GMNN: variants seen among roughly 807,000 people sequenced by gnomAD.
GMNN encodes the protein geminin.
A neutral mutation model predicts 20.9 loss-of-function variants in GMNN; 14 were observed. The observed-to-expected ratio is 0.67, with a 90% CI of 0.44 to 1.05. The LOEUF is 1.05. Ranked by LOEUF, GMNN falls within the 50% of genes least tolerant of loss-of-function variation. The pLI, the probability that GMNN is intolerant of heterozygous loss-of-function variation, is 0.00. For missense variants in GMNN, 227 were observed against 243.8 expected, an observed-to-expected ratio of 0.93 and a Z score of 0.46; for synonymous variants, 81 against 85.8, an observed-to-expected ratio of 0.94 and a Z score of 0.31.
rs757646958 is a variant in GMNN at position 24,781,477 on chromosome 6, C to T, written c.130C>T (p.Leu44=). The change falls in exon 4 of 7, where the codon CTG becomes TTG. Residue 44 remains leucine, a splice_region_variant and synonymous_variant. Transcript: ENST00000230056. ...CAGTTGATAAGTGTTTTCATTATAG[C>T]TGTCCGCAGGCTTGTCCAAAAGGAA... ...SGSLVGRENE[L]SAGLSKRKHR... 6.3e-7 allele frequency: 1 copy of T among 1,585,494 alleles called. No homozygotes were observed. Among genetic ancestry groups the T allele is most frequent in the Non-Finnish European group, 8.6e-7 (1 of 1,157,618 alleles).
rs2307306 is a variant in GMNN, at chr6:24,781,507, C to T, written c.160C>T (p.Arg54Trp). 0.019 allele frequency: 31,003 copies of T among 1,592,666 alleles called. 2,242 individuals carry two copies. In the African/African-American group the frequency reaches 0.22, roughly 11 times the overall value. ...CGCAGGCTTGTCCAAAAGGAAACAT[C>T]GGAATGACCACTTAACATCTACAAC... ...LSAGLSKRKH[R>W]NDHLTSTTSS... Residue 54 changes from arginine (R) to tryptophan (W), a missense_variant, in exon 4 of 7, where the codon CGG (arginine) becomes TGG (tryptophan). Transcript: ENST00000230056.
intron 2 of GMNN, among the ~76,000 whole-genome samples, chr6:24,778,248 T>G (rs1780125622): frequency 6.6e-6 from 1 of 152,218 alleles, no homozygotes; most frequent in South Asian, 2.1e-4. Flanking sequence ...CTCATGCCTG[T>G]GATCCCAGCT....
intron 1 of GMNN, chr6:24,776,828 A>G (rs931217871): frequency 6.5e-6 from 1 of 153,684 alleles, no homozygotes; most frequent in African/African-American, 2.4e-5. Flanking sequence ...AGCCCAGTTT[A>G]TTATACCTTA....
chr6:24,776,622 G>A (rs966709949), intron 1 of GMNN, among the ~76,000 whole-genome samples: 2 of 152,204 alleles, frequency 1.3e-5, no homozygotes, highest in Non-Finnish European at 2.9e-5. Flanking sequence ...GTGGGCAGTG[G>A]GCAGTGGAGC....
At chr6:24,779,720 C>T (rs984405666) in intron 2 of GMNN, among the ~76,000 whole-genome samples, 5 of 152,168 alleles carry the variant, frequency 3.3e-5, no homozygotes, top group African/African-American at 1.2e-4. Flanking sequence ...TTTGCTATCC[C>T]ATGGTGGCAG....
At chr6:24,777,910 G>GCATT (rs1481194400) in intron 2 of GMNN, among the ~76,000 whole-genome samples, 1 of 152,034 alleles carries the variant, frequency 6.6e-6, no homozygotes, top group Non-Finnish European at 1.5e-5. Context: ...GACATGTTTT[G>GCATT]CATTATATTA....
In GMNN at chr6:24,785,750, G is replaced by T; in HGVS notation, c.581G>T (p.Cys194Phe). The T allele has an allele frequency of 6.3e-7, 1 of 1,590,610 alleles. No homozygotes were observed. The highest frequency in any genetic ancestry group is 8.6e-7 in the Non-Finnish European group (1 of 1,165,396). ...GTGGAAGACTCAGAAATTGGCACGT[G>T]TGCTGAAGGAACTGTATCTTCCTCT... ...SLVEDSEIGT[C>F]AEGTVSSSTD... is the part of the protein sequence containing the mutation. Residue 194 changes from cysteine to phenylalanine, a missense_variant, in exon 7 of 7, where the codon TGT (cysteine) becomes TTT (phenylalanine). Physicochemically the swap from Cys to Phe is radical, Grantham distance 205. Transcript: ENST00000230056.
At chr6:24,782,541 T>C (rs1483025221) in intron 4 of GMNN, among the ~76,000 whole-genome samples, 2 of 152,056 alleles carry the variant, frequency 1.3e-5, no homozygotes, top group African/African-American at 4.8e-5. Context: ...AGAAGAGAAA[T>C]AGATGGTAGG....
At position 24,780,122 on chromosome 6, in the gene GMNN, T is replaced by G. The variant is rs562541478; in HGVS notation, c.52-541T>G. On this transcript the variant is annotated intron_variant, in intron 2 of 6. Transcript: ENST00000230056. Reference sequence around the variant, plus strand: ...TGCAGTGTAAATGATTAACCATTTCTTCCAGTTTACCTGTTTGGTGAGTTC... The same window carrying G: ...TGCAGTGTAAATGATTAACCATTTCGTCCAGTTTACCTGTTTGGTGAGTTC... 3.7e-3 allele frequency among the ~76,000 whole-genome samples: 559 copies of G among 152,356 alleles called. 3 individuals are homozygous for G. The highest frequency in any genetic ancestry group is 6.6e-3 in the Non-Finnish European group (446 of 68,034).
chr6:24,777,282 CA>C lies in GMNN; in HGVS notation c.39del (p.Glu14ArgfsTer3). 7.4e-7 allele frequency: 1 copy of C among 1,357,522 alleles called. No individual in the cohort carries two copies. Among genetic ancestry groups the C allele is most frequent in the Non-Finnish European group, 1.0e-6 (1 of 976,108 alleles). 84.1% of individuals were successfully genotyped at this position (1,357,522 alleles called of 1,614,324 possible). A position where few individuals can be genotyped will look rare whatever the true frequency, so the allele number is the denominator to read the frequency against. On this transcript the variant is annotated frameshift_variant, in exon 2 of 7. Transcript: ENST00000230056. LOFTEE classifies it high-confidence loss of function. ...GTATGAAGCAGAAACAAGAAGAAAT[CA>C]AAGAGAATATAAAGGTATGTGATTG... ...PSMKQKQEEI[K>X]ENIKNSSVPR...
At chr6:24,779,634 C>G (rs1780153657) in intron 2 of GMNN, among the ~76,000 whole-genome samples, 1 of 152,164 alleles carries the variant, frequency 6.6e-6, no homozygotes, top group African/African-American at 2.4e-5. Context: ...ATGTGAAGTA[C>G]AGTGTGGAAT....
At position 24,775,014 on chromosome 6, in the gene GMNN, A is replaced by T. The variant is rs764904860; in HGVS notation, c.-256A>T. ...TACTGCAGAGCGCGCCGGGCACTCC[A>T]GCGACCGTGGGGATCAGCGTAGGTG... On this transcript the variant is annotated 5_prime_UTR_variant, in exon 1 of 7. Coordinates refer to ENST00000230056, the MANE Select transcript of GMNN (RefSeq NM_015895.5). 3 of 152,412 alleles carry T rather than the reference A, an allele frequency of 2.0e-5. No homozygotes were observed. The highest frequency in any genetic ancestry group is 4.8e-5 in the African/African-American group (2 of 41,484). The allele number at this position is 152,412 out of a possible 1,614,324, so 9.4% of individuals were successfully genotyped here. A position where few individuals can be genotyped will look rare whatever the true frequency, so the allele number is the denominator to read the frequency against.
rs528210430 is a variant in GMNN, at chr6:24,779,946, G to A, written c.52-717G>A. Among the ~76,000 whole-genome samples, 44 of 152,268 alleles carry A rather than the reference G, an allele frequency of 2.9e-4. No individual in the cohort carries two copies. The South Asian group carries it at 8.9e-3, about 31-fold the overall frequency. Reference sequence around the variant, plus strand: ...GCTTCTACTATCAGGTAATGGTTGAGGGGGGATGTCTATTACACATGTACT... The same window carrying A: ...GCTTCTACTATCAGGTAATGGTTGAAGGGGGATGTCTATTACACATGTACT... On this transcript the variant is annotated intron_variant, in intron 2 of 6. Transcript: ENST00000230056.
Position 24,781,476 on chromosome 6 carries a change from G to T in GMNN, c.130-1G>T. The T allele has an allele frequency of 6.3e-7, 1 of 1,585,120 alleles. No homozygotes were observed. ...ACAGTTGATAAGTGTTTTCATTATAGCTGTCCGCAGGCTTGTCCAAAAGGA... is the reference window on the plus strand; with the variant it reads ...ACAGTTGATAAGTGTTTTCATTATATCTGTCCGCAGGCTTGTCCAAAAGGA... On this transcript the variant is annotated splice_acceptor_variant, in intron 3 of 6. Transcript: ENST00000230056. LOFTEE classifies it high-confidence loss of function.
intron 4 of GMNN, among the ~76,000 whole-genome samples, chr6:24,782,317 T>C (rs969564136): frequency 1.3e-5 from 2 of 152,170 alleles, no homozygotes; most frequent in Admixed American, 1.3e-4. Flanking sequence ...ATTATGCCTA[T>C]AATAAGTACT....
intron 6 of GMNN, among the ~76,000 whole-genome samples, chr6:24,785,333 A>T (rs1581432513): frequency 6.6e-6 from 1 of 152,104 alleles, no homozygotes; most frequent in Non-Finnish European, 1.5e-5. Flanking sequence ...TCCACAGCTG[A>T]TTGGAAATGT....
At position 24,775,264 on chromosome 6, in the gene GMNN, T is replaced by G. The variant is rs1387209972; in HGVS notation, c.-26+20T>G. 6.6e-6 allele frequency: 1 copy of G among 152,272 alleles called. No homozygotes were observed. Among genetic ancestry groups the G allele is most frequent in the East Asian group, 1.9e-4 (1 of 5,176 alleles). The allele number at this position is 152,272 out of a possible 1,614,324, so 9.4% of individuals were successfully genotyped here. A position where few individuals can be genotyped will look rare whatever the true frequency, so the allele number is the denominator to read the frequency against. On this transcript the variant is annotated intron_variant, in intron 1 of 6. Coordinates refer to ENST00000230056, the MANE Select transcript of GMNN (RefSeq NM_015895.5). Reference sequence around the variant, plus strand: ...GCCTGGGTAAGGGCGAAGGGGTTGTTGAACGGTCGCGGGAGCCGGGGCGGG... The same window carrying G: ...GCCTGGGTAAGGGCGAAGGGGTTGTGGAACGGTCGCGGGAGCCGGGGCGGG...
At position 24,777,259 on chromosome 6, in the gene GMNN, A is replaced by G; in HGVS notation, c.13A>G (p.Met5Val). 7.1e-7 allele frequency: 1 copy of G among 1,413,420 alleles called. No homozygotes were observed. The highest frequency in any genetic ancestry group is 9.7e-7 in the Non-Finnish European group (1 of 1,026,160). 87.6% of individuals were successfully genotyped at this position (1,413,420 alleles called of 1,614,324 possible). The change falls in exon 2 of 7, where the codon ATG becomes GTG. Residue 5 changes from methionine to valine, a missense_variant. Physicochemically the swap from Met to Val is conservative, Grantham distance 21. Coordinates refer to ENST00000230056, the MANE Select transcript of GMNN (RefSeq NM_015895.5). MNPS[M>V]KQKQEEIKEN... Reference sequence around the variant, plus strand: ...CACCATCTACATAATGAATCCCAGTATGAAGCAGAAACAAGAAGAAATCAA... The same window carrying G: ...CACCATCTACATAATGAATCCCAGTGTGAAGCAGAAACAAGAAGAAATCAA...
At position 24,781,519 on chromosome 6, in the gene GMNN, T is replaced by C. The variant is rs1299547560; in HGVS notation, c.172T>C (p.Leu58=). ...LSKRKHRNDH[L]TSTTSSPGVI... is the part of the protein sequence containing the mutation. ...CAAAAGGAAACATCGGAATGACCAC[T>C]TAACATCTACAACTTCCAGCCCTGG... Residue 58 remains leucine, a synonymous_variant, in exon 4 of 7, where the codon TTA becomes CTA. Coordinates refer to ENST00000230056, the MANE Select transcript of GMNN (RefSeq NM_015895.5). The C allele has an allele frequency of 6.3e-6, 10 of 1,596,308 alleles. No homozygotes were observed. Among genetic ancestry groups the C allele is most frequent in the Non-Finnish European group, 8.6e-6 (10 of 1,166,610 alleles).
Sources: gnomAD v4.1 joint callset for allele counts (sites outside exome capture counted in the v4.1 genomes callset) on GRCh38, gnomAD v4.1.1 for gene constraint, MANE v1.5 for transcripts, NCBI Gene and HGNC (gene_info 2026-07-23, HGNC 2026-07-21) for gene names.